LDHA: variants seen among roughly 807,000 people sequenced by gnomAD.
LDHA encodes the protein L-lactate dehydrogenase A chain.
LDHA carries 10 observed loss-of-function variants against 36.3 expected under a neutral mutation model. The ratio of observed to expected loss-of-function variants is 0.28; its 90% CI spans 0.17 to 0.47. The LOEUF (loss-of-function observed/expected upper bound fraction) is 0.47. Ranked by LOEUF, LDHA falls within the 20% of genes least tolerant of loss-of-function variation. The pLI is 0.99. For synonymous variants in LDHA, 110 were observed against 136.7 expected (o/e 0.80, Z 1.36); for missense variants, 267 against 405.8 (o/e 0.66, Z 2.94).
At chr11:18,403,055 A>G in intron 5 of LDHA, 42 bp downstream of exon 5, 1 of 1,549,676 alleles carries the variant, frequency 6.5e-7, no homozygotes, top group Non-Finnish European at 8.9e-7. Flanking sequence ...AAAAGATTAT[A>G]TAAAAAGTCG....
intron 4 of LDHA, 139 bp downstream of exon 4, chr11:18,401,149 AATAT>A: frequency 8.9e-6 from 3 of 337,574 alleles, no homozygotes; most frequent in Non-Finnish European, 1.3e-5. Context: ...ATTATTTTAA[AATAT>A]ATATATATAT....
chr11:18,406,414 T>TAAAAAAAAAAA (rs532942664), intron 7 of LDHA, among the ~76,000 whole-genome samples: 1 of 97,176 alleles, frequency 1.0e-5, no homozygotes, highest in African/African-American at 3.6e-5. Flanking sequence ...TTGCCTCTGT[T>TAAAAAAAAAAA]AAAAAAAAAA....
chr11:18,398,481 G>A (rs552586983), intron 2 of LDHA: 6 of 151,460 alleles, frequency 4.0e-5, no homozygotes, highest in Non-Finnish European at 7.4e-5. Flanking sequence ...GACCTCCTGG[G>A]TTCAAGTGAT....
intron 4 of LDHA, among the ~76,000 whole-genome samples, chr11:18,401,424 C>T (rs931838289): frequency 2.7e-5 from 4 of 148,346 alleles, no homozygotes; most frequent in Admixed American, 6.8e-5. Context: ...GGATTACAGG[C>T]GTGAGCCACC....
At chr11:18,396,012 C>T (rs1461794889) in intron 1 of LDHA, among the ~76,000 whole-genome samples, 2 of 152,274 alleles carry the variant, frequency 1.3e-5, no homozygotes, top group Non-Finnish European at 2.9e-5. Flanking sequence ...GCCAGCTAGG[C>T]TTCACGTTGC....
chr11:18,397,957 A>G (rs879751163), intron 2 of LDHA, among the ~76,000 whole-genome samples: 22 of 152,224 alleles, frequency 1.4e-4, no homozygotes, highest in Non-Finnish European at 2.6e-4. Context: ...AGGTGACTCT[A>G]CATATGTTCT....
chr11:18,401,668 G>T (rs909250885), intron 4 of LDHA, among the ~76,000 whole-genome samples: 2 of 149,244 alleles, frequency 1.3e-5, no homozygotes, highest in East Asian at 2.0e-4. Context: ...TAGTAGAGAC[G>T]GGGTTTCATC....
Position 18,405,578 on chromosome 11 carries a change from T to C in LDHA, c.834+6T>C, listed in dbSNP as rs764211566. ...CAGTTTCCACCATGATTAAGGTAGGTCTATGTAGTGATACGCTGCATTTGA... is the reference window on the plus strand; with the variant it reads ...CAGTTTCCACCATGATTAAGGTAGGCCTATGTAGTGATACGCTGCATTTGA... On this transcript the variant is annotated splice_donor_region_variant and intron_variant, in intron 7 of 7. Coordinates refer to ENST00000422447, the MANE Select transcript of LDHA (RefSeq NM_005566.4). 1 of 1,613,754 alleles carries C rather than the reference T, an allele frequency of 6.2e-7. No homozygotes were observed. The highest frequency in any genetic ancestry group is 8.5e-7 in the Non-Finnish European group (1 of 1,179,750).
At position 18,402,823 on chromosome 11, in the gene LDHA, T is replaced by C. The variant is rs201159343; in HGVS notation, c.419-17T>C. The C allele has an allele frequency of 2.4e-5, 39 of 1,602,078 alleles. No homozygotes were observed. The highest frequency in any genetic ancestry group is 3.3e-5 in the Non-Finnish European group (39 of 1,169,302). The stretch of plus-strand genomic sequence containing the variant: ...GGAGAGGATAATGGGTGATTTTTAT[T>C]TTCTCCTTTTTCATAGTGGATATCT... On this transcript the variant is annotated splice_polypyrimidine_tract_variant and intron_variant, in intron 4 of 7. Transcript: ENST00000422447.
chr11:18,400,874 C>T lies in LDHA; in HGVS notation c.282C>T (p.Ile94=). ...CTGCAAACTCCAAGCTGGTCATTAT[C>T]ACGGCTGGGGCACGTCAGCAAGAGG... ...NVTANSKLVI[I]TAGARQQEGE... is the part of the protein sequence containing the mutation. Residue 94 remains isoleucine (I), a synonymous_variant, in exon 4 of 8, where the codon ATC becomes ATT. Transcript: ENST00000422447. 1 of 1,613,548 alleles carries T rather than the reference C, an allele frequency of 6.2e-7. No individual in the cohort carries two copies. Among genetic ancestry groups the T allele is most frequent in the Non-Finnish European group, 8.5e-7 (1 of 1,179,698 alleles).
chr11:18,396,495 A>G, intron 1 of LDHA: 1 of 955,972 alleles, frequency 1.0e-6, no homozygotes, highest in Non-Finnish European at 1.4e-6. Flanking sequence ...GGAGTAGCTC[A>G]GAGTGATCTT....
intron 4 of LDHA, among the ~76,000 whole-genome samples, chr11:18,401,308 C>A (rs1321947503): frequency 6.7e-6 from 1 of 150,322 alleles, no homozygotes; most frequent in Non-Finnish European, 1.5e-5. Context: ...TGCCACCACA[C>A]ATGGCTAATT....
chr11:18,405,550 A>G lies in LDHA; in HGVS notation c.812A>G (p.His271Arg). The G allele has an allele frequency of 6.2e-7, 1 of 1,614,016 alleles. No homozygotes were observed. Among genetic ancestry groups the G allele is most frequent in the Non-Finnish European group, 8.5e-7 (1 of 1,179,932 alleles). ...ESIMKNLRRV[H>R]PVSTMIKGLY... ...ATAATGAAGAATCTTAGGCGGGTGC[A>G]CCCAGTTTCCACCATGATTAAGGTA... is the stretch of plus-strand genomic sequence containing the variant. The change falls in exon 7 of 8, where the codon CAC (histidine) becomes CGC (arginine). Residue 271 changes from histidine to arginine, a missense_variant. His to Arg is a conservative substitution (Grantham distance 29, BLOSUM62 0). Transcript: ENST00000422447.
intron 3 of LDHA, 167 bp downstream of exon 3, chr11:18,399,715 C>T: frequency 3.0e-6 from 2 of 656,748 alleles, no homozygotes; most frequent in East Asian, 2.9e-5. Context: ...CCCCCTCCCC[C>T]TCACAAAGAA....
At chr11:18,403,072 A>G (rs976956277) in intron 5 of LDHA, 59 bp downstream of exon 5, 37 of 1,408,590 alleles carry the variant, frequency 2.6e-5, no homozygotes, top group Admixed American at 1.7e-4. Context: ...GTCGATGGGC[A>G]TTATATTATT....
rs78250273 is a variant in LDHA, at chr11:18,403,138, T to G, written c.592+125T>G. On this transcript the variant is annotated intron_variant, in intron 5 of 7. Coordinates refer to ENST00000422447, the MANE Select transcript of LDHA (RefSeq NM_005566.4). The stretch of plus-strand genomic sequence containing the variant: ...TAGGATGGAATGGTTTCCCGAAATC[T>G]AGCATTTTGTATAATTATATGTTAA... The G allele has an allele frequency of 5.0e-3, 3,834 of 773,296 alleles. 103 individuals are homozygous for G. The African/African-American group carries it at 0.058, about 12-fold the overall frequency. The allele number at this position is 773,296 out of a possible 1,614,324, so 47.9% of individuals were successfully genotyped here.
chr11:18,398,163 T>C (rs571651547), intron 2 of LDHA, among the ~76,000 whole-genome samples: 27 of 152,334 alleles, frequency 1.8e-4, no homozygotes, highest in Non-Finnish European at 3.7e-4. Context: ...TGAATAACTT[T>C]TGGTAACGAT....
chr11:18,403,049 G>C, intron 5 of LDHA, 36 bp downstream of exon 5: 1 of 1,571,760 alleles, frequency 6.4e-7, no homozygotes, highest in Non-Finnish European at 8.8e-7. Context: ...TTTTTGAAAA[G>C]ATTATATAAA....
In LDHA at chr11:18,402,593, C is replaced by T; in HGVS notation, c.419-247C>T. 4 of 415,858 alleles carry T rather than the reference C, an allele frequency of 9.6e-6. 1 individual carries two copies. The highest frequency in any genetic ancestry group is 8.9e-5 in the South Asian group (4 of 45,186). The allele number at this position is 415,858 out of a possible 1,614,324, so 25.8% of individuals were successfully genotyped here. Reference sequence around the variant, plus strand: ...GATAACAGGTGTGAGTTGTCATGCCCAGCCAAAACTACTTTTTGAATAATT... The same window carrying T: ...GATAACAGGTGTGAGTTGTCATGCCTAGCCAAAACTACTTTTTGAATAATT... On this transcript the variant is annotated intron_variant, in intron 4 of 7. Coordinates refer to ENST00000422447, the MANE Select transcript of LDHA (RefSeq NM_005566.4).
Sources: allele counts gnomAD v4.1 joint callset (sites outside exome capture counted in the v4.1 genomes callset), GRCh38; gene constraint gnomAD v4.1.1; transcripts MANE v1.5; gene names NCBI Gene and HGNC (gene_info 2026-07-23, HGNC 2026-07-21).